Variants in WWTR1 observed in about 807,000 individuals in gnomAD.
WWTR1 encodes the protein WW domain containing transcription regulator 1, also known as WW domain-containing transcription regulator protein 1.
A neutral mutation model predicts 40.1 loss-of-function variants in WWTR1; 13 were observed. The ratio of observed to expected loss-of-function variants is 0.32; its 90% CI spans 0.21 to 0.52. WWTR1 has a LOEUF of 0.52. Ranked by LOEUF, WWTR1 falls within the 20% of genes least tolerant of loss-of-function variation. The pLI is 0.97. For missense variants in WWTR1, 436 were observed against 523.1 expected, an observed-to-expected ratio of 0.83 and a Z score of 1.63; for synonymous variants, 230 against 210.1, an observed-to-expected ratio of 1.09 and a Z score of -0.82.
chr3:149,696,943 C>G (rs1053560479), intron 1 of WWTR1, among the ~76,000 whole-genome samples: 2 of 152,182 alleles, frequency 1.3e-5, no homozygotes, highest in African/African-American at 4.8e-5. Context: ...TTCTGTCCAT[C>G]CTCTAACATT....
intron 2 of WWTR1, among the ~76,000 whole-genome samples, chr3:149,615,053 A>G (rs1016369755): frequency 6.6e-6 from 1 of 152,198 alleles, no homozygotes; most frequent in East Asian, 1.9e-4. Context: ...GTATTGAGGT[A>G]TGTTTTAAAT....
intron 2 of WWTR1, among the ~76,000 whole-genome samples, chr3:149,635,516 G>GAGGAGA (rs1172374816): frequency 1.3e-5 from 2 of 151,236 alleles, no homozygotes; most frequent in African/African-American, 2.4e-5. Flanking sequence ...GAAGAAGAAG[G>GAGGAGA]AGGAGAAGGA....
chr3:149,619,420 A>C (rs1262092077), intron 2 of WWTR1, among the ~76,000 whole-genome samples: 3 of 152,182 alleles, frequency 2.0e-5, no homozygotes, highest in Non-Finnish European at 4.4e-5. Flanking sequence ...CAGGAGTTCA[A>C]GACCAGCCTG....
At chr3:149,718,113 C>A (rs2108235950) in intron 4 of WWTR1, among the ~76,000 whole-genome samples, 1 of 152,218 alleles carries the variant, frequency 6.6e-6, no homozygotes, top group South Asian at 2.1e-4. Context: ...AGTTACCAGA[C>A]CCCAGAGACT....
intron 2 of WWTR1, among the ~76,000 whole-genome samples, chr3:149,591,142 A>T (rs899609394): frequency 1.3e-5 from 2 of 152,208 alleles, no homozygotes; most frequent in Non-Finnish European, 2.9e-5. Flanking sequence ...AATACTACTT[A>T]AAAAAACATA....
chr3:149,587,531 T>G lies in WWTR1; in HGVS notation c.432-14531A>C, dbSNP rs1738486444. Among the ~76,000 whole-genome samples, 3 of 152,204 alleles carry G rather than the reference T, an allele frequency of 2.0e-5. No homozygotes were observed. In the South Asian group the frequency reaches 6.2e-4, roughly 32 times the overall value. On this transcript the variant is annotated intron_variant, in intron 2 of 6. Transcript: ENST00000360632. ...AATACAAACATTTCTGTCTAAACAC[T>G]AACTTGGGCAGAGCCACTTTTACAC...
intron 4 of WWTR1, among the ~76,000 whole-genome samples, chr3:149,721,580 T>G (rs894485698): frequency 6.6e-6 from 1 of 152,208 alleles, no homozygotes; most frequent in Admixed American, 6.5e-5. Context: ...TCTTGTAGAG[T>G]CTTTGTCTGG....
chr3:149,532,651 T>C (rs962280403), intron 4 of WWTR1, among the ~76,000 whole-genome samples: 2 of 151,966 alleles, frequency 1.3e-5, no homozygotes, highest in Non-Finnish European at 2.9e-5. Context: ...AAACCCGAGG[T>C]CTGAAAATAA....
intron 2 of WWTR1, chr3:149,650,088 A>G (rs183316482): frequency 5.3e-5 from 8 of 152,186 alleles, no homozygotes; most frequent in African/African-American, 1.7e-4. Context: ...ATATAAATAG[A>G]CAATGGAGGT....
At chr3:149,598,921 C>T (rs932547901) in intron 2 of WWTR1, among the ~76,000 whole-genome samples, 1 of 151,960 alleles carries the variant, frequency 6.6e-6, no homozygotes, top group African/African-American at 2.4e-5. Flanking sequence ...GAAAAAAGTA[C>T]GGCCTTATTA....
chr3:149,600,822 T>G (rs969047331), intron 2 of WWTR1, among the ~76,000 whole-genome samples: 4 of 152,218 alleles, frequency 2.6e-5, no homozygotes, highest in African/African-American at 9.6e-5. Flanking sequence ...ATGCTCACTC[T>G]TGGAACCCAG....
At chr3:149,638,773 C>T (rs867579669) in intron 2 of WWTR1, among the ~76,000 whole-genome samples, 2 of 152,152 alleles carry the variant, frequency 1.3e-5, no homozygotes, top group Non-Finnish European at 2.9e-5. Context: ...TGCTCTTTTA[C>T]AAAGAAGCTC....
chr3:149,594,557 C>T (rs1171903684), intron 2 of WWTR1, among the ~76,000 whole-genome samples: 2 of 152,044 alleles, frequency 1.3e-5, no homozygotes, highest in South Asian at 2.1e-4. Flanking sequence ...AAGAACCCAT[C>T]GTGTGTGATA....
chr3:149,530,537 G>A (rs1033614880), intron 4 of WWTR1, among the ~76,000 whole-genome samples: 1 of 151,412 alleles, frequency 6.6e-6, no homozygotes, highest in Non-Finnish European at 1.5e-5. Flanking sequence ...AAAATAAATA[G>A]TTCTAAACTT....
At chr3:149,614,956 C>T (rs896327958) in intron 2 of WWTR1, among the ~76,000 whole-genome samples, 2 of 151,682 alleles carry the variant, frequency 1.3e-5, no homozygotes, top group Admixed American at 6.6e-5. Context: ...GTACTCCAGC[C>T]TGGGAGACAA....
chr3:149,689,380 C>CAAAAAAA (rs3044083), intron 1 of WWTR1, among the ~76,000 whole-genome samples: 28 of 36,702 alleles, frequency 7.6e-4, no homozygotes, highest in South Asian at 1.4e-3. Flanking sequence ...GAACCTATCT[C>CAAAAAAA]AAAAAAAAAA....
chr3:149,583,705 G>C (rs78868068), intron 2 of WWTR1, among the ~76,000 whole-genome samples: 1 of 152,080 alleles, frequency 6.6e-6, no homozygotes, highest in Non-Finnish European at 1.5e-5. Context: ...TATGTATGTC[G>C]GGATTTGCTA....
intron 1 of WWTR1, among the ~76,000 whole-genome samples, chr3:149,678,581 T>G (rs940157095): frequency 2.0e-5 from 3 of 152,156 alleles, no homozygotes; most frequent in African/African-American, 7.2e-5. Context: ...ATCCACAGCC[T>G]GAGGCAAGTC....
At chr3:149,556,873 A>G (rs1466596952) in intron 3 of WWTR1, among the ~76,000 whole-genome samples, 1 of 152,130 alleles carries the variant, frequency 6.6e-6, no homozygotes, top group Non-Finnish European at 1.5e-5. Context: ...AACAAAACAT[A>G]CAACAAAAAA....
Sources: allele counts gnomAD v4.1 joint callset (sites outside exome capture counted in the v4.1 genomes callset), GRCh38; gene constraint gnomAD v4.1.1; transcripts MANE v1.5; gene names NCBI Gene and HGNC (gene_info 2026-07-23, HGNC 2026-07-21).